The following FSTL4 variants were observed in gnomAD, a reference collection of about 807,000 sequenced individuals.
FSTL4 encodes follistatin like 4.
In FSTL4, 28 loss-of-function variants were observed where a neutral mutation model predicts 78.2. The ratio of observed to expected loss-of-function variants is 0.36; its 90% CI spans 0.27 to 0.49. FSTL4 has a LOEUF of 0.49. FSTL4 is among the 20% of genes least tolerant of loss of function. FSTL4 has a pLI of 0.98. For synonymous variants in FSTL4, 422 were observed against 440.5 expected (o/e 0.96, Z 0.53); for missense variants, 922 against 1,084.9 (o/e 0.85, Z 2.11).
At chr5:133,428,201 C>T (rs1241801702) in intron 3 of FSTL4, among the ~76,000 whole-genome samples, 2 of 152,198 alleles carry the variant, frequency 1.3e-5, no homozygotes, top group African/African-American at 2.4e-5. Flanking sequence ...GGGATTGCAG[C>T]CAATGTGTGG....
chr5:133,567,151 T>C (rs762698913), intron 3 of FSTL4, 35 bp downstream of exon 3: 4 of 1,488,374 alleles, frequency 2.7e-6, no homozygotes, highest in Non-Finnish European at 3.8e-6. Context: ...ATGTCAACAC[T>C]GAAAATAAAA....
chr5:133,638,296 T>C, the FSTL4 span, among the ~76,000 whole-genome samples: 1 of 152,056 alleles, frequency 6.6e-6, no homozygotes, highest in African/African-American at 2.4e-5. Context: ...CCAGGACTAT[T>C]CTCAAAGCAG....
In FSTL4 at chr5:133,294,022, C is replaced by T. The variant is rs74850362; in HGVS notation, c.727+18632G>A. On this transcript the variant is annotated intron_variant, in intron 6 of 15. Transcript: ENST00000265342. The stretch of plus-strand genomic sequence containing the variant: ...TCTGTTCTTACGCTTAGGCTGTTGC[C>T]TCTGACTGGGATGCCTTTTCCCACT... Among the ~76,000 whole-genome samples the T allele has an allele frequency of 6.8e-4, 103 of 152,302 alleles. 4 individuals are homozygous for T. The East Asian group carries it at 0.02, about 29-fold the overall frequency.
the FSTL4 span, among the ~76,000 whole-genome samples, chr5:133,706,924 G>A: frequency 6.6e-6 from 1 of 152,142 alleles, no homozygotes; most frequent in Non-Finnish European, 1.5e-5. Context: ...GTCTCCACTG[G>A]GCTCTCGGGA....
intron 4 of FSTL4, among the ~76,000 whole-genome samples, chr5:133,387,242 A>C (rs1262806937): frequency 6.6e-6 from 1 of 152,160 alleles, no homozygotes; most frequent in Non-Finnish European, 1.5e-5. Context: ...ACACACACTG[A>C]AAGGGGATGG....
chr5:133,379,423 C>G (rs1755514627), intron 4 of FSTL4, among the ~76,000 whole-genome samples: 1 of 151,864 alleles, frequency 6.6e-6, no homozygotes, highest in Non-Finnish European at 1.5e-5. Context: ...CGCTGGAACA[C>G]CCTATTTAAC....
the FSTL4 span, among the ~76,000 whole-genome samples, chr5:133,643,024 T>C: frequency 6.6e-6 from 1 of 152,226 alleles, no homozygotes; most frequent in South Asian, 2.1e-4. Flanking sequence ...GTATGTCTAT[T>C]ATTCACTTTT....
chr5:133,676,009 C>T, the FSTL4 span, among the ~76,000 whole-genome samples: 2 of 152,172 alleles, frequency 1.3e-5, no homozygotes, highest in Non-Finnish European at 2.9e-5. Flanking sequence ...AGGCCCTCCC[C>T]ACCCTAGACT....
At chr5:133,757,738 G>A in the FSTL4 span, among the ~76,000 whole-genome samples, 4 of 152,116 alleles carry the variant, frequency 2.6e-5, no homozygotes, top group African/African-American at 7.2e-5. Context: ...AAAGACACCC[G>A]AGGCTCTTCT....
chr5:133,379,554 C>T (rs901648262), intron 4 of FSTL4, among the ~76,000 whole-genome samples: 2 of 152,142 alleles, frequency 1.3e-5, no homozygotes, highest in African/African-American at 4.8e-5. Context: ...AAAATATGTT[C>T]ATCTACCACA....
chr5:133,221,003 G>A (rs771187054), intron 11 of FSTL4, 137 bp from the exon 12 acceptor site: 15 of 744,616 alleles, frequency 2.0e-5, no homozygotes, highest in Non-Finnish European at 3.2e-5. Flanking sequence ...CCTGGTCAGG[G>A]TGGGGTAGAA....
the FSTL4 span, among the ~76,000 whole-genome samples, chr5:133,836,780 C>G: frequency 6.6e-6 from 1 of 152,172 alleles, no homozygotes; most frequent in Non-Finnish European, 1.5e-5. Context: ...TATTTCAGTG[C>G]CTTCAAGCTT....
At chr5:133,754,997 C>T in the FSTL4 span, among the ~76,000 whole-genome samples, 2 of 152,146 alleles carry the variant, frequency 1.3e-5, no homozygotes, top group African/African-American at 4.8e-5. Context: ...CAAGACCCAG[C>T]TCTTGCTCCT....
At chr5:133,540,720 C>CAAAAAAAAAAAAAAAAAAAA (rs79162509) in intron 3 of FSTL4, among the ~76,000 whole-genome samples, 16 of 70,258 alleles carry the variant, frequency 2.3e-4, no homozygotes, top group African/African-American at 3.4e-4. Context: ...TTAACATAGG[C>CAAAAAAAAAAAAAAAAAAAA]AAAAAAAAAA....
At chr5:133,565,118 T>C (rs1198164630) in intron 3 of FSTL4, among the ~76,000 whole-genome samples, 2 of 152,212 alleles carry the variant, frequency 1.3e-5, no homozygotes, top group Non-Finnish European at 2.9e-5. Context: ...CTCCTGGGCC[T>C]TGTAAGCTGT....
chr5:133,755,925 AAAT>A, the FSTL4 span, among the ~76,000 whole-genome samples: 2 of 152,342 alleles, frequency 1.3e-5, no homozygotes, highest in African/African-American at 4.8e-5. Flanking sequence ...TCCATTTCAC[AAAT>A]ATTACTGAAT....
chr5:133,772,252 T>C, the FSTL4 span, among the ~76,000 whole-genome samples: 2 of 152,350 alleles, frequency 1.3e-5, no homozygotes, highest in Non-Finnish European at 2.9e-5. Context: ...ATAGATGCCA[T>C]ATGTTATTTG....
intron 4 of FSTL4, among the ~76,000 whole-genome samples, chr5:133,324,369 C>G (rs1260637838): frequency 6.6e-6 from 1 of 152,242 alleles, no homozygotes; most frequent in Admixed American, 6.5e-5. Context: ...CCTTGGATCC[C>G]AGGGGTGAGG....
chr5:133,421,952 G>A lies in FSTL4; in HGVS notation c.161-20966C>T, dbSNP rs547422096. On this transcript the variant is annotated intron_variant, in intron 3 of 15. Transcript: ENST00000265342. ...GAAAAAGAAAACTAAAAAAGGAGAT[G>A]AGGAGTGAAGGGACAAGGGATATTT... Among the ~76,000 whole-genome samples, 7 of 152,314 alleles carry A rather than the reference G, an allele frequency of 4.6e-5. 1 individual carries two copies. Among genetic ancestry groups the A allele is most frequent in the Middle Eastern group, 3.4e-3 (1 of 294 alleles).
Sources: allele counts gnomAD v4.1 joint callset (sites outside exome capture counted in the v4.1 genomes callset), GRCh38; gene constraint gnomAD v4.1.1; transcripts MANE v1.5; gene names NCBI Gene and HGNC (gene_info 2026-07-23, HGNC 2026-07-21).